Variants in HEPH observed in about 807,000 individuals in gnomAD.
HEPH encodes the protein hephaestin.
Under a neutral mutation model 80.8 loss-of-function variants are expected in HEPH, and 69 were observed. That is an observed-to-expected ratio of 0.85 (90% CI 0.70 to 1.04). The LOEUF is 1.04. Ranked by LOEUF, HEPH falls within the 50% of genes least tolerant of loss-of-function variation. The pLI, the probability that HEPH is intolerant of heterozygous loss-of-function variation, is 0.00. For synonymous variants in HEPH, 431 were observed against 322.8 expected (o/e 1.34, Z -3.60); for missense variants, 1,115 against 891.3 (o/e 1.25, Z -3.20).
intron 15 of HEPH, among the ~76,000 whole-genome samples, chrX:66,236,027 T>A (rs1013203102): frequency 8.9e-6 from 1 of 112,078 alleles, no homozygotes; most frequent in Non-Finnish European, 1.9e-5. Flanking sequence ...TGTGGTTTTC[T>A]AGATATAGGA....
chrX:66,255,243 T>C (rs2091137999), intron 16 of HEPH, 102 bp downstream of exon 16: 4 of 464,813 alleles, frequency 8.6e-6, no homozygotes, highest in Non-Finnish European at 1.4e-5. Context: ...TTCTAGAGCC[T>C]AGAATTTGGG....
chrX:66,218,752 C>T (rs921591244), intron 15 of HEPH, among the ~76,000 whole-genome samples: 12 of 110,545 alleles, frequency 1.1e-4, no homozygotes, highest in East Asian at 5.7e-4. Flanking sequence ...GCAGGGGGTA[C>T]GTGACTGGGG....
chrX:66,212,883 G>A (rs977724767), intron 15 of HEPH, among the ~76,000 whole-genome samples: 1 of 110,390 alleles, frequency 9.1e-6, no homozygotes, highest in African/African-American at 3.3e-5. Flanking sequence ...GATATTTTGA[G>A]AGGAATTGCA....
intron 1 of HEPH, among the ~76,000 whole-genome samples, chrX:66,167,726 G>C (rs2086435504): frequency 8.9e-6 from 1 of 112,082 alleles, no homozygotes; most frequent in South Asian, 3.7e-4. Context: ...CTCTTTGAGA[G>C]CTCATTACAT....
At position 66,207,800 on chromosome X, in the gene HEPH, G is replaced by A. The variant is rs371803102; in HGVS notation, c.2432-315G>A. Among the ~76,000 whole-genome samples the A allele has an allele frequency of 2.7e-5, 3 of 111,388 alleles. No individual in the cohort carries two copies. The East Asian group carries it at 8.5e-4, about 32-fold the overall frequency. ...TCTGCCAAACTTATCACTCTTTATCGTCAATGATTCCACAGCACCTTGATT... is the reference window on the plus strand; with the variant it reads ...TCTGCCAAACTTATCACTCTTTATCATCAATGATTCCACAGCACCTTGATT... On this transcript the variant is annotated intron_variant, in intron 14 of 20. Coordinates refer to ENST00000343002, the MANE Select transcript of HEPH (RefSeq NM_001367233.3).
At chrX:66,240,279 G>A (rs971877525) in intron 15 of HEPH, among the ~76,000 whole-genome samples, 10 of 110,958 alleles carry the variant, frequency 9.0e-5, no homozygotes, top group East Asian at 2.8e-4. Flanking sequence ...AAGATATGTC[G>A]ATAAAACTCG....
intron 14 of HEPH, 54 bp downstream of exon 14, chrX:66,207,388 G>GAAGCTATGT (rs750533701): frequency 2.2e-5 from 22 of 987,273 alleles, no homozygotes; most frequent in Middle Eastern, 2.8e-4. Flanking sequence ...TCCACCTAGG[G>GAAGCTATGT]AAGCTATGTT....
intron 3 of HEPH, 152 bp downstream of exon 3, chrX:66,172,751 G>C (rs2086643843): frequency 1.8e-6 from 1 of 551,222 alleles, no homozygotes; most frequent in Non-Finnish European, 2.8e-6. Context: ...ACAAGGGTGG[G>C]CACTGGTATC....
chrX:66,216,459 G>T (rs1259712776), intron 15 of HEPH, among the ~76,000 whole-genome samples: 1 of 111,773 alleles, frequency 8.9e-6, no homozygotes, highest in Non-Finnish European at 1.9e-5. Flanking sequence ...CAGTAGCTCT[G>T]CTGGGTGGCT....
chrX:66,170,875 G>T, intron 2 of HEPH, 138 bp downstream of exon 2: 1 of 501,280 alleles, frequency 2.0e-6, no homozygotes. Context: ...ATACTCAGTG[G>T]CAGATTTCCT....
intron 15 of HEPH, among the ~76,000 whole-genome samples, chrX:66,210,426 T>C (rs1474742020): frequency 9.0e-6 from 1 of 111,675 alleles, no homozygotes; most frequent in African/African-American, 3.2e-5. Context: ...AGGTCAGGGT[T>C]GTGCCCAAAG....
At chrX:66,231,392 A>T (rs1197438099) in intron 15 of HEPH, among the ~76,000 whole-genome samples, 13 of 101,949 alleles carry the variant, frequency 1.3e-4, no homozygotes, top group Non-Finnish European at 2.2e-4. Flanking sequence ...CACGATATTG[A>T]TTCTTCCTAC....
At chrX:66,166,458 G>A (rs2086371838) in intron 1 of HEPH, among the ~76,000 whole-genome samples, 1 of 112,037 alleles carries the variant, frequency 8.9e-6, no homozygotes, top group African/African-American at 3.2e-5. Context: ...GCCTCCCAAA[G>A]TGCTGGCATT....
chrX:66,209,328 C>A (rs959012309), intron 15 of HEPH, among the ~76,000 whole-genome samples: 1 of 112,264 alleles, frequency 8.9e-6, no homozygotes, highest in Non-Finnish European at 1.9e-5. Context: ...ATCAGGATCA[C>A]CTAGAGGCTT....
intron 15 of HEPH, among the ~76,000 whole-genome samples, chrX:66,232,839 C>T (rs928097723): frequency 9.0e-6 from 1 of 110,691 alleles, no homozygotes; most frequent in African/African-American, 3.3e-5. Context: ...TTTTAGGGTA[C>T]TGTAAATTAT....
At chrX:66,262,328 A>G (rs906542341) in intron 19 of HEPH, among the ~76,000 whole-genome samples, 2 of 112,061 alleles carry the variant, frequency 1.8e-5, no homozygotes, top group African/African-American at 6.5e-5. Context: ...GACAGAAAAT[A>G]TAAGGATCAA....
At position 66,266,957 on chromosome X, in the gene HEPH, C is replaced by T; in HGVS notation, c.*285C>T. On this transcript the variant is annotated 3_prime_UTR_variant, in exon 21 of 21. Coordinates refer to ENST00000343002, the MANE Select transcript of HEPH (RefSeq NM_001367233.3). The stretch of plus-strand genomic sequence containing the variant: ...AGCTACATTATATTTCCTTCTGACA[C>T]TTGGAAGGTATTGAAATTTCTAGAA... 1 of 264,257 alleles carries T rather than the reference C, an allele frequency of 3.8e-6. No individual in the cohort carries two copies. Among genetic ancestry groups the T allele is most frequent in the African/African-American group, 2.7e-5 (1 of 36,883 alleles). 21.8% of individuals were successfully genotyped at this position (264,257 alleles called of 1,213,427 possible). A position where few individuals can be genotyped will look rare whatever the true frequency, so the allele number is the denominator to read the frequency against.
At chrX:66,261,025 C>T (rs1228551242) in intron 19 of HEPH, among the ~76,000 whole-genome samples, 1 of 112,069 alleles carries the variant, frequency 8.9e-6, no homozygotes, top group East Asian at 2.8e-4. Context: ...AATCCTCCCG[C>T]CTTGGTCTCC....
chrX:66,166,630 A>G (rs1004776158), intron 1 of HEPH, among the ~76,000 whole-genome samples: 2 of 112,292 alleles, frequency 1.8e-5, no homozygotes, highest in Admixed American at 9.4e-5. Flanking sequence ...GGATGTCAAT[A>G]ATTAGAAGGA....
Sources: gnomAD v4.1 joint callset for allele counts (sites outside exome capture counted in the v4.1 genomes callset) on GRCh38, gnomAD v4.1.1 for gene constraint, MANE v1.5 for transcripts, NCBI Gene and HGNC (gene_info 2026-07-23, HGNC 2026-07-21) for gene names.